The following FHIT variants were observed in gnomAD, a reference collection of about 807,000 sequenced individuals.
FHIT encodes the protein fragile histidine triad diadenosine triphosphatase, also known as bis(5'-adenosyl)-triphosphatase.
FHIT carries 19 observed loss-of-function variants against 17.9 expected under a neutral mutation model. That is an observed-to-expected ratio of 1.06 (90% CI 0.74 to 1.56). FHIT has a LOEUF of 1.56. FHIT is among the 40% of genes most tolerant of loss of function. The pLI, the probability that FHIT is intolerant of heterozygous loss-of-function variation, is 0.00. For synonymous variants in FHIT, 81 were observed against 69.7 expected (o/e 1.16, Z -0.81); for missense variants, 248 against 189.2 (o/e 1.31, Z -1.82).
chr3:60,077,977 A>C (rs1422521348), intron 5 of FHIT, among the ~76,000 whole-genome samples: 1 of 151,976 alleles, frequency 6.6e-6, no homozygotes, highest in East Asian at 1.9e-4. Flanking sequence ...AATACACAAA[A>C]TAAAATTTAT....
intron 8 of FHIT, among the ~76,000 whole-genome samples, chr3:59,836,542 C>A (rs900181687): frequency 3.3e-5 from 5 of 152,142 alleles, no homozygotes; most frequent in African/African-American, 1.2e-4. Flanking sequence ...CTTGGCCCTG[C>A]GGTTTGCCTT....
At chr3:60,068,879 A>T (rs1702635066) in intron 5 of FHIT, among the ~76,000 whole-genome samples, 2 of 152,214 alleles carry the variant, frequency 1.3e-5, no homozygotes, top group African/African-American at 2.4e-5. Context: ...TTACATTAAT[A>T]TGCATAAAAT....
intron 3 of FHIT, among the ~76,000 whole-genome samples, chr3:60,872,483 T>C (rs1481884661): frequency 6.6e-6 from 1 of 152,136 alleles, no homozygotes; most frequent in Non-Finnish European, 1.5e-5. Context: ...TTTTCTTCTC[T>C]TTAATTCTTC....
chr3:60,781,483 T>TA (rs59199604), intron 4 of FHIT, among the ~76,000 whole-genome samples: 7 of 151,720 alleles, frequency 4.6e-5, no homozygotes, highest in Non-Finnish European at 7.4e-5. Flanking sequence ...GTTAATATTT[T>TA]AAAAAAAATA....
At chr3:60,350,580 G>T (rs1711035898) in intron 5 of FHIT, among the ~76,000 whole-genome samples, 1 of 152,120 alleles carries the variant, frequency 6.6e-6, no homozygotes, top group African/African-American at 2.4e-5. Context: ...GGTCCAGGAA[G>T]CTAAAAACAA....
intron 4 of FHIT, among the ~76,000 whole-genome samples, chr3:60,554,041 T>C (rs1357609516): frequency 6.6e-6 from 1 of 151,892 alleles, no homozygotes; most frequent in Non-Finnish European, 1.5e-5. Context: ...GAGCCAAGAT[T>C]GTGCTGCGCC....
At chr3:60,588,235 AT>A (rs1381474734) in intron 4 of FHIT, among the ~76,000 whole-genome samples, 1 of 151,976 alleles carries the variant, frequency 6.6e-6, no homozygotes, top group Non-Finnish European at 1.5e-5. Context: ...ACTTGATCAT[AT>A]TTTCATTTTC....
intron 4 of FHIT, among the ~76,000 whole-genome samples, chr3:60,632,639 A>G (rs2039475895): frequency 6.6e-6 from 1 of 152,198 alleles, no homozygotes; most frequent in Admixed American, 6.5e-5. Context: ...ACTTTCTAGA[A>G]CAAGCTAACG....
At chr3:60,729,991 T>C in intron 4 of FHIT, 1 of 282,742 alleles carries the variant, frequency 3.5e-6, no homozygotes, top group Non-Finnish European at 7.1e-6. Context: ...TATGACGTTA[T>C]CACCAAGGTG....
chr3:60,396,983 C>T (rs1335121699), intron 5 of FHIT, among the ~76,000 whole-genome samples: 1 of 152,110 alleles, frequency 6.6e-6, no homozygotes, highest in Non-Finnish European at 1.5e-5. Context: ...ATTACTGTTA[C>T]TTCTTTGCTT....
At chr3:59,758,972 T>G (rs1474834414) in intron 8 of FHIT, among the ~76,000 whole-genome samples, 1 of 152,050 alleles carries the variant, frequency 6.6e-6, no homozygotes, top group Non-Finnish European at 1.5e-5. Flanking sequence ...CAAAATAATT[T>G]CATGTTATAA....
intron 4 of FHIT, among the ~76,000 whole-genome samples, chr3:60,568,991 T>TG (rs397801179): frequency 6.6e-6 from 1 of 151,436 alleles, no homozygotes; most frequent in Admixed American, 6.6e-5. Flanking sequence ...TTTTTTTTTT[T>TG]CCTTTCAAAA....
chr3:60,279,832 C>T (rs1409672857), intron 5 of FHIT, among the ~76,000 whole-genome samples: 1 of 151,888 alleles, frequency 6.6e-6, no homozygotes, highest in Non-Finnish European at 1.5e-5. Context: ...GAGATCAAGA[C>T]CATCCTGACT....
chr3:61,132,392 G>C (rs921769667), intron 2 of FHIT, among the ~76,000 whole-genome samples: 1 of 152,184 alleles, frequency 6.6e-6, no homozygotes, highest in Non-Finnish European at 1.5e-5. Flanking sequence ...AACACCTGCT[G>C]TATTTCAAGC....
At chr3:59,908,033 T>C (rs1322480495) in intron 8 of FHIT, among the ~76,000 whole-genome samples, 1 of 152,188 alleles carries the variant, frequency 6.6e-6, no homozygotes, top group Non-Finnish European at 1.5e-5. Flanking sequence ...CAAGGTCATC[T>C]CCTTATCTTA....
At chr3:61,014,172 G>C (rs781371857) in intron 3 of FHIT, among the ~76,000 whole-genome samples, 1 of 152,076 alleles carries the variant, frequency 6.6e-6, no homozygotes, top group Admixed American at 6.6e-5. Flanking sequence ...TTCTCTCCTT[G>C]GAAGAGGACA....
intron 5 of FHIT, among the ~76,000 whole-genome samples, chr3:60,144,639 T>G (rs1700165084): frequency 6.6e-6 from 1 of 152,192 alleles, no homozygotes; most frequent in African/African-American, 2.4e-5. Context: ...ACATAATATT[T>G]ACGGGGTACA....
At chr3:61,030,022 T>A (rs1214981492) in intron 3 of FHIT, among the ~76,000 whole-genome samples, 2 of 152,174 alleles carry the variant, frequency 1.3e-5, no homozygotes, top group Non-Finnish European at 2.9e-5. Context: ...CAGGCTGGGG[T>A]GCAGTGGTAC....
At chr3:60,198,926 G>A (rs1702769257) in intron 5 of FHIT, among the ~76,000 whole-genome samples, 1 of 152,134 alleles carries the variant, frequency 6.6e-6, no homozygotes, top group Non-Finnish European at 1.5e-5. Flanking sequence ...ACTAAGTGGA[G>A]CACAGGATCA....
Sources: gnomAD v4.1 joint callset for allele counts (sites outside exome capture counted in the v4.1 genomes callset) on GRCh38, gnomAD v4.1.1 for gene constraint, MANE v1.5 for transcripts, NCBI Gene and HGNC (gene_info 2026-07-23, HGNC 2026-07-21) for gene names.